Variants in VAV3 observed in about 807,000 individuals in gnomAD.
The protein encoded by VAV3 is vav guanine nucleotide exchange factor 3, also known as guanine nucleotide exchange factor VAV3.
In VAV3, 94 loss-of-function variants were observed where a neutral mutation model predicts 131.2. The ratio of observed to expected loss-of-function variants is 0.72; its 90% CI spans 0.61 to 0.85. The LOEUF (loss-of-function observed/expected upper bound fraction) is 0.85. VAV3 is among the 40% of genes least tolerant of loss of function. VAV3 has a pLI of 0.00. For missense variants in VAV3, 939 were observed against 1,002.7 expected, an observed-to-expected ratio of 0.94 and a Z score of 0.86; for synonymous variants, 349 against 342.0, an observed-to-expected ratio of 1.02 and a Z score of -0.22.
At chr1:107,793,484 C>A (rs945269810) in intron 2 of VAV3, among the ~76,000 whole-genome samples, 3 of 152,146 alleles carry the variant, frequency 2.0e-5, no homozygotes, top group African/African-American at 4.8e-5. Context: ...GTGTGTCGGC[C>A]TTATTCACTG....
chr1:107,624,374 C>CTG (rs59476510), intron 20 of VAV3, among the ~76,000 whole-genome samples: 5,379 of 143,196 alleles, frequency 0.038, 118 homozygotes, highest in Middle Eastern at 0.063. Context: ...AGTCTTATGA[C>CTG]TGTGTGTGTG....
chr1:107,760,132 G>A (rs17542229), intron 10 of VAV3, among the ~76,000 whole-genome samples: 11,105 of 152,130 alleles, frequency 0.073, 579 homozygotes, highest in African/African-American at 0.15. Flanking sequence ...ACAGGTAGTA[G>A]ATCTTTTTAA....
intron 2 of VAV3, among the ~76,000 whole-genome samples, chr1:107,783,632 C>G (rs1266713416): frequency 3.9e-5 from 6 of 152,134 alleles, no homozygotes; most frequent in African/African-American, 1.4e-4. Flanking sequence ...TGAGGCCACC[C>G]ACTCCTCCAC....
At chr1:107,718,391 C>T (rs1188957051) in intron 15 of VAV3, among the ~76,000 whole-genome samples, 1 of 152,116 alleles carries the variant, frequency 6.6e-6, no homozygotes, top group East Asian at 1.9e-4. Flanking sequence ...GCAAAAATCA[C>T]AAGCATTCCT....
intron 2 of VAV3, among the ~76,000 whole-genome samples, chr1:107,796,136 T>TTGCCAATGTGAC (rs1666526098): frequency 6.6e-6 from 1 of 152,116 alleles, no homozygotes; most frequent in South Asian, 2.1e-4. Flanking sequence ...GACAGCTGCT[T>TTGCCAATGTGAC]TGCCAATGTG....
At chr1:107,710,154 T>C (rs370463075) in intron 15 of VAV3, among the ~76,000 whole-genome samples, 1 of 152,330 alleles carries the variant, frequency 6.6e-6, no homozygotes, top group East Asian at 1.9e-4. Flanking sequence ...CCTAGCAAGA[T>C]GAAATCATCT....
intron 15 of VAV3, among the ~76,000 whole-genome samples, chr1:107,742,145 T>C (rs1244815707): frequency 6.6e-6 from 1 of 152,186 alleles, no homozygotes; most frequent in Non-Finnish European, 1.5e-5. Context: ...CCACACTATA[T>C]AGCCTTCTTA....
intron 2 of VAV3, chr1:107,820,660 A>C (rs917205730): frequency 3.9e-5 from 6 of 152,202 alleles, no homozygotes; most frequent in Admixed American, 1.3e-4. Context: ...TTGAGTCGAC[A>C]GATGCCCCAT....
chr1:107,737,909 T>C (rs1172024741), intron 15 of VAV3, among the ~76,000 whole-genome samples: 1 of 152,210 alleles, frequency 6.6e-6, no homozygotes, highest in Non-Finnish European at 1.5e-5. Context: ...TGCCCATGTA[T>C]GTTTACTGTG....
intron 15 of VAV3, among the ~76,000 whole-genome samples, chr1:107,714,823 A>C (rs904566466): frequency 1.3e-5 from 2 of 152,166 alleles, no homozygotes; most frequent in African/African-American, 2.4e-5. Context: ...AATACTTTCA[A>C]AATACTGATA....
chr1:107,582,093 C>G (rs1369225847), intron 25 of VAV3, among the ~76,000 whole-genome samples: 3 of 152,168 alleles, frequency 2.0e-5, no homozygotes, highest in Non-Finnish European at 2.9e-5. Context: ...CAACACTGAT[C>G]ACTTGCGTTT....
chr1:107,702,474 G>T (rs953856025), intron 17 of VAV3, among the ~76,000 whole-genome samples: 2 of 152,144 alleles, frequency 1.3e-5, no homozygotes, highest in Non-Finnish European at 2.9e-5. Context: ...GGAGTAAATT[G>T]TGAAGCTAGG....
At chr1:107,644,035 A>G (rs1328761298) in intron 19 of VAV3, among the ~76,000 whole-genome samples, 1 of 152,048 alleles carries the variant, frequency 6.6e-6, no homozygotes, top group Non-Finnish European at 1.5e-5. Context: ...TCTCACATTC[A>G]TGGAGCATTT....
At chr1:107,594,721 A>G (rs1651235497) in intron 25 of VAV3, among the ~76,000 whole-genome samples, 1 of 152,084 alleles carries the variant, frequency 6.6e-6, no homozygotes, top group African/African-American at 2.4e-5. Flanking sequence ...TTCTCTGAGT[A>G]CCTCCATGTA....
chr1:107,862,857 T>C (rs1669803881), intron 2 of VAV3: 1 of 144,102 alleles, frequency 6.9e-6, no homozygotes, highest in Non-Finnish European at 1.6e-5. Flanking sequence ...AAAGAAAATA[T>C]TTTCCATTTT....
chr1:107,691,174 G>C (rs1188388757), intron 17 of VAV3, among the ~76,000 whole-genome samples: 4 of 152,082 alleles, frequency 2.6e-5, no homozygotes, highest in Non-Finnish European at 4.4e-5. Flanking sequence ...GCAATAGCCT[G>C]TTCACTGACA....
In VAV3 at chr1:107,964,923, G is replaced by A. The variant is rs1675360011; in HGVS notation, c.-54C>T. The A allele has an allele frequency of 9.1e-6, 9 of 985,900 alleles. No individual in the cohort carries two copies. In the South Asian group the frequency reaches 3.2e-4, roughly 36 times the overall value. The allele number at this position is 985,900 out of a possible 1,614,324, so 61.1% of individuals were successfully genotyped here. A position where few individuals can be genotyped will look rare whatever the true frequency, so the allele number is the denominator to read the frequency against. On this transcript the variant is annotated 5_prime_UTR_variant, in exon 1 of 27. Transcript: ENST00000370056. ...CGGGGCGGGCGGCAAGGATGCGGCC[G>A]CCGCCGCCGCCGCCGCGGTTCCTCC...
intron 1 of VAV3, among the ~76,000 whole-genome samples, chr1:107,914,328 T>C (rs141737262): frequency 2.0e-5 from 3 of 152,298 alleles, no homozygotes; most frequent in South Asian, 2.1e-4. Context: ...GCAATAAACA[T>C]TACTGGGCCC....
At chr1:107,958,692 T>C (rs1223988894) in intron 1 of VAV3, among the ~76,000 whole-genome samples, 1 of 152,210 alleles carries the variant, frequency 6.6e-6, no homozygotes, top group Admixed American at 6.5e-5. Context: ...GTTTGTTACA[T>C]AGGTATACAT....
Sources: allele counts gnomAD v4.1 joint callset (sites outside exome capture counted in the v4.1 genomes callset), GRCh38; gene constraint gnomAD v4.1.1; transcripts MANE v1.5; gene names NCBI Gene and HGNC (gene_info 2026-07-23, HGNC 2026-07-21).